Variants in USP34 observed in about 807,000 individuals in gnomAD.
The protein encoded by USP34 is ubiquitin carboxyl-terminal hydrolase 34.
A neutral mutation model predicts 460.3 loss-of-function variants in USP34; 70 were observed. The observed-to-expected ratio is 0.15, with a 90% confidence interval of 0.13 to 0.19. The LOEUF is 0.19. Ranked by LOEUF, USP34 falls within the 10% of genes least tolerant of loss-of-function variation. The probability of loss-of-function intolerance (pLI) is 1.00; values close to 1 mark genes in which losing one functional copy is unlikely to be tolerated. For missense variants in USP34, 3,985 were observed against 4,236.2 expected (o/e 0.94, Z 1.65); for synonymous variants, 1,647 against 1,405.3 (o/e 1.17, Z -3.85).
At chr2:61,350,016 T>TAA (rs149129768) in intron 12 of USP34, among the ~76,000 whole-genome samples, 48 of 149,566 alleles carry the variant, frequency 3.2e-4, no homozygotes, top group African/African-American at 1.2e-3. Flanking sequence ...AGCTTTTGTT[T>TAA]AAAAAAAAAA....
chr2:61,457,716 T>G (rs934768356), intron 1 of USP34, among the ~76,000 whole-genome samples: 2 of 152,054 alleles, frequency 1.3e-5, no homozygotes, highest in African/African-American at 4.8e-5. Flanking sequence ...AGCAAGCAAG[T>G]TGGGTGTCAT....
At chr2:61,351,552 G>C (rs1420535841) in intron 10 of USP34, among the ~76,000 whole-genome samples, 1 of 152,088 alleles carries the variant, frequency 6.6e-6, no homozygotes, top group Non-Finnish European at 1.5e-5. Flanking sequence ...TTCCCAATTT[G>C]AGGGCTGTCA....
chr2:61,242,052 TA>T (rs1214832446), intron 51 of USP34, among the ~76,000 whole-genome samples: 1 of 152,140 alleles, frequency 6.6e-6, no homozygotes, highest in African/African-American at 2.4e-5. Flanking sequence ...GAGAACACTA[TA>T]AAGTTGAGAC....
rs150092685 is a variant in USP34 at position 61,394,431 on chromosome 2, C to A, written c.753+422G>T. Among the ~76,000 whole-genome samples, 164 of 150,814 alleles carry A rather than the reference C, an allele frequency of 1.1e-3. 1 individual carries two copies. The highest frequency in any genetic ancestry group is 3.9e-3 in the African/African-American group (159 of 41,040). On this transcript the variant is annotated intron_variant, in intron 5 of 79. Coordinates refer to ENST00000398571, the MANE Select transcript of USP34 (RefSeq NM_014709.4). ...AAAAATTCAGCCAGGCACAGTGGTG[C>A]ACACCTCTAGTCCCAGCTACTCAGG...
chr2:61,215,460 T>C lies in USP34; in HGVS notation c.8048-766A>G, dbSNP rs186069306. On this transcript the variant is annotated intron_variant, in intron 67 of 79. Coordinates refer to ENST00000398571, the MANE Select transcript of USP34 (RefSeq NM_014709.4). The stretch of plus-strand genomic sequence containing the variant: ...CTAAACTTACACCCAAGGAAAGAAC[T>C]TGGTGTTAAACTTATTAAGCCTATG... Among the ~76,000 whole-genome samples the C allele has an allele frequency of 6.8e-4, 104 of 152,370 alleles. No homozygotes were observed. The South Asian group carries it at 7.2e-3, about 11-fold the overall frequency.
At chr2:61,344,073 A>T in intron 15 of USP34, 44 bp from the exon 16 acceptor site, 1 of 1,582,692 alleles carries the variant, frequency 6.3e-7, no homozygotes, top group Non-Finnish European at 8.7e-7. Flanking sequence ...TACGAATGTG[A>T]ATCTAATTTG....
rs1480154124 is a variant in USP34, at chr2:61,236,521, TTTGA to T, written c.6778-136_6778-133del. 4.5e-6 allele frequency: 3 copies of T among 664,286 alleles called. No individual in the cohort carries two copies. The African/African-American group carries it at 5.5e-5, about 12-fold the overall frequency. The allele number at this position is 664,286 out of a possible 1,614,324, so 41.1% of individuals were successfully genotyped here. On this transcript the variant is annotated intron_variant, in intron 53 of 79. Transcript: ENST00000398571. ...TAAAATCCATGCACTTTAAGTTCAT[TTTGA>T]TTTTTTCCCAAGTATATTCATATAA...
chr2:61,389,121 T>C (rs1227256563), intron 5 of USP34, among the ~76,000 whole-genome samples: 3 of 152,156 alleles, frequency 2.0e-5, no homozygotes, highest in Admixed American at 2.0e-4. Flanking sequence ...GATAAAACTT[T>C]GTTTAAAAAA....
rs1690793779 is a variant in USP34 at position 61,317,683 on chromosome 2, T to C, written c.3253A>G (p.Ser1085Gly). 1 of 1,614,130 alleles carries C rather than the reference T, an allele frequency of 6.2e-7. No homozygotes were observed. Among genetic ancestry groups the C allele is most frequent in the Non-Finnish European group, 8.5e-7 (1 of 1,180,004 alleles). ...HLCNLARLAT[S>G]AYDGCSNSEL... Reference sequence around the variant, plus strand: ...GAATTTGAACAACCATCATAGGCACTGGTAGCCAATCGAGCCAAGTTACAG... The same window carrying C: ...GAATTTGAACAACCATCATAGGCACCGGTAGCCAATCGAGCCAAGTTACAG... The change falls in exon 23 of 80, where the codon AGT becomes GGT. Residue 1085 changes from serine (S) to glycine (G), a missense_variant. Around this residue, in one of 14 missense-constraint regions of USP34, gnomAD observed 1,114 missense variants for 1,122.5 expected, o/e 0.99. Transcript: ENST00000398571.
At position 61,222,862 on chromosome 2, in the gene USP34, G is replaced by C. The variant is rs987889373; in HGVS notation, c.7749+198C>G. Reference sequence around the variant, plus strand: ...AGGCATGTGCCACTACACCCGGCTAGATTTTTCTATTTTGTGTAGAGACGG... The same window carrying C: ...AGGCATGTGCCACTACACCCGGCTACATTTTTCTATTTTGTGTAGAGACGG... On this transcript the variant is annotated intron_variant, in intron 64 of 79. Transcript: ENST00000398571. 8.8e-6 allele frequency: 6 copies of C among 684,054 alleles called. No homozygotes were observed. In the South Asian group the frequency reaches 9.8e-5, roughly 11 times the overall value. 42.4% of individuals were successfully genotyped at this position (684,054 alleles called of 1,614,324 possible).
chr2:61,214,106 T>C lies in USP34; in HGVS notation c.8636A>G (p.Gln2879Arg). 6.2e-7 allele frequency: 1 copy of C among 1,614,224 alleles called. No homozygotes were observed. Among genetic ancestry groups the C allele is most frequent in the Non-Finnish European group, 8.5e-7 (1 of 1,180,030 alleles). The stretch of plus-strand genomic sequence containing the variant: ...TGGTGTAAGATTCTTAAAGGCCCAC[T>C]GGATGTTCTGGTGAGAAGCCAGTTG... ...TRQLASHQNI[Q>R]WAFKNLTPHA... is the part of the protein sequence containing the mutation. Residue 2879 changes from glutamine to arginine, a missense_variant, in exon 68 of 80, where the codon CAG becomes CGG. Physicochemically the swap from Gln to Arg is conservative, Grantham distance 43. Transcript: ENST00000398571.
At chr2:61,380,068 G>A (rs1343511044) in intron 7 of USP34, 101 bp downstream of exon 7, 2 of 963,522 alleles carry the variant, frequency 2.1e-6, no homozygotes, top group South Asian at 4.0e-5. Flanking sequence ...AAAATACTTA[G>A]CACAATGCCT....
chr2:61,447,231 G>C (rs1469283914), intron 1 of USP34, among the ~76,000 whole-genome samples: 1 of 131,642 alleles, frequency 7.6e-6, no homozygotes. Context: ...CTCCAGCCTG[G>C]GCAACAGAGT....
At chr2:61,222,501 T>C in intron 65 of USP34, 118 bp downstream of exon 65, 1 of 710,856 alleles carries the variant, frequency 1.4e-6, no homozygotes, top group Non-Finnish European at 2.4e-6. Context: ...AAAAATAGGT[T>C]ATTATGTTAT....
chr2:61,348,963 T>A (rs1572957324), intron 13 of USP34, 77 bp from the exon 14 acceptor site: 1 of 1,458,428 alleles, frequency 6.9e-7, no homozygotes, highest in Admixed American at 2.3e-5. Flanking sequence ...TATCATTTGA[T>A]TCCTTGACCT....
At chr2:61,369,315 T>C (rs1438042170) in intron 10 of USP34, among the ~76,000 whole-genome samples, 1 of 152,122 alleles carries the variant, frequency 6.6e-6, no homozygotes, top group Admixed American at 6.6e-5. Flanking sequence ...AATGAATGTG[T>C]TAGAAGTTAC....
At chr2:61,254,597 T>A (rs1688670755) in intron 48 of USP34, among the ~76,000 whole-genome samples, 1 of 152,270 alleles carries the variant, frequency 6.6e-6, no homozygotes, top group Admixed American at 6.5e-5. Context: ...TCTATTTGTC[T>A]TTCAATATAA....
At chr2:61,450,798 G>A (rs1019429649) in intron 1 of USP34, among the ~76,000 whole-genome samples, 12 of 151,308 alleles carry the variant, frequency 7.9e-5, no homozygotes, top group East Asian at 3.9e-4. Context: ...ATTTCCTTTC[G>A]GGAAAGACAC....
chr2:61,456,783 T>A (rs1354265862), intron 1 of USP34, among the ~76,000 whole-genome samples: 1 of 148,682 alleles, frequency 6.7e-6, no homozygotes, highest in Non-Finnish European at 1.5e-5. Context: ...TGGGACCCCA[T>A]CTCAATTTAC....
Sources: gnomAD v4.1 joint callset for allele counts (sites outside exome capture counted in the v4.1 genomes callset) on GRCh38, gnomAD v4.1.1 for gene constraint, gnomAD v4.1.1 regional missense constraint, MANE v1.5 for transcripts, NCBI Gene and HGNC (gene_info 2026-07-23, HGNC 2026-07-21) for gene names.